The following AK7 variants were observed in gnomAD, a reference collection of about 807,000 sequenced individuals.
AK7 encodes ATP-AMP transphosphorylase 7.
Under a neutral mutation model 96.6 loss-of-function variants are expected in AK7, and 78 were observed. The observed-to-expected ratio is 0.81, with a 90% CI of 0.67 to 0.97. The LOEUF (loss-of-function observed/expected upper bound fraction) is 0.97. Ranked by LOEUF, AK7 falls within the 50% of genes least tolerant of loss-of-function variation. AK7 has a pLI of 0.00. For synonymous variants in AK7, 302 were observed against 317.2 expected (o/e 0.95, Z 0.51); for missense variants, 855 against 887.9 (o/e 0.96, Z 0.47).
intron 16 of AK7, among the ~76,000 whole-genome samples, 197 bp downstream of exon 16, chr14:96,483,416 T>TTTTTTC (rs2140180137): frequency 6.6e-6 from 1 of 152,270 alleles, no homozygotes; most frequent in Non-Finnish European, 1.5e-5. Flanking sequence ...CTTAGTTTTT[T>TTTTTTC]TTTTTTTCTT....
Position 96,488,321 on chromosome 14 carries a change from A to G in AK7, c.2150A>G (p.Lys717Arg), listed in dbSNP as rs1299312389. The G allele has an allele frequency of 3.1e-6, 5 of 1,612,546 alleles. No homozygotes were observed. The highest frequency in any genetic ancestry group is 4.2e-6 in the Non-Finnish European group (5 of 1,178,794). Residue 717 changes from lysine (K) to arginine (R), a missense_variant, in exon 18 of 18, where the codon AAG becomes AGG. Transcript: ENST00000267584. Reference sequence around the variant, plus strand: ...AAATTGTAGGCAGAATATCTCTTCAAGAACAATCCTGAAGCACAGTGAAAC... The same window carrying G: ...AAATTGTAGGCAGAATATCTCTTCAGGAACAATCCTGAAGCACAGTGAAAC... ...PVDFLAEYLF[K>R]NNPEAQ
intron 14 of AK7, 117 bp from the exon 15 acceptor site, chr14:96,478,348 G>A: frequency 1.0e-6 from 1 of 990,356 alleles, no homozygotes. Flanking sequence ...CAATTGGACA[G>A]GCTATTTGTG....
chr14:96,431,792 A>C (rs1892367574), intron 5 of AK7, among the ~76,000 whole-genome samples: 1 of 152,170 alleles, frequency 6.6e-6, no homozygotes, highest in African/African-American at 2.4e-5. Flanking sequence ...TGCAGAGCTG[A>C]GTTCAAGTCC....
Position 96,409,308 on chromosome 14 carries a change from C to T in AK7, c.498+367C>T, listed in dbSNP as rs117191323. ...GAAATATAGGCTGGGTGCGATGGCT[C>T]ATGCCTGTAACCCGGCACTTTGGGA... On this transcript the variant is annotated intron_variant, in intron 4 of 17. Coordinates refer to ENST00000267584, the MANE Select transcript of AK7 (RefSeq NM_152327.5). 4.2e-3 allele frequency among the ~76,000 whole-genome samples: 639 copies of T among 152,352 alleles called. 3 individuals carry two copies. Among genetic ancestry groups the T allele is most frequent in the Non-Finnish European group, 7.2e-3 (487 of 68,042 alleles).
chr14:96,415,123 C>G (rs1049494713), intron 4 of AK7, among the ~76,000 whole-genome samples: 26 of 151,828 alleles, frequency 1.7e-4, no homozygotes, highest in African/African-American at 5.3e-4. Context: ...AAGCAAAGGC[C>G]ATGGGGAAGG....
chr14:96,422,219 T>G (rs1015261608), intron 5 of AK7, among the ~76,000 whole-genome samples: 6 of 152,212 alleles, frequency 3.9e-5, no homozygotes, highest in African/African-American at 1.4e-4. Flanking sequence ...AAGTACAGTA[T>G]ACAGGGATAA....
At chr14:96,393,073 G>A (rs1889851692) in intron 1 of AK7, among the ~76,000 whole-genome samples, 2 of 152,222 alleles carry the variant, frequency 1.3e-5, no homozygotes, top group South Asian at 4.2e-4. Context: ...TTGGGTCCCC[G>A]AGTTCCATTA....
intron 6 of AK7, among the ~76,000 whole-genome samples, chr14:96,439,612 C>T (rs1408548507): frequency 6.7e-6 from 1 of 148,872 alleles, no homozygotes; most frequent in African/African-American, 2.5e-5. Context: ...TGCAGTGAGC[C>T]GAAATTGCAC....
intron 11 of AK7, 200 bp downstream of exon 11, chr14:96,456,675 G>C: frequency 2.1e-6 from 1 of 482,962 alleles, no homozygotes; most frequent in Admixed American, 3.4e-5. Flanking sequence ...GAAGAGTGTT[G>C]ACCTTGGCCA....
At chr14:96,477,046 A>G (rs1366082061) in intron 14 of AK7, among the ~76,000 whole-genome samples, 1 of 152,258 alleles carries the variant, frequency 6.6e-6, no homozygotes, top group Non-Finnish European at 1.5e-5. Flanking sequence ...TTGAGGCTTC[A>G]TATGTCTACC....
At chr14:96,446,185 G>A (rs1005174922) in intron 7 of AK7, among the ~76,000 whole-genome samples, 3 of 152,130 alleles carry the variant, frequency 2.0e-5, no homozygotes, top group South Asian at 2.1e-4. Flanking sequence ...GCTGGGGGCC[G>A]GTCCTGCTGG....
rs759009156 is a variant in AK7, at chr14:96,408,893, T to C, written c.450T>C (p.Ile150=). 1.9e-6 allele frequency: 3 copies of C among 1,614,224 alleles called. No individual in the cohort carries two copies. The highest frequency in any genetic ancestry group is 8.5e-7 in the Non-Finnish European group (1 of 1,180,046). The change falls in exon 4 of 18, where the codon ATT becomes ATC. Residue 150 remains isoleucine, a synonymous_variant. Transcript: ENST00000267584. ...ACTTTGAAAAGCGAAAGCTATTTAT[T>C]TTACTGTCGACGGTGATGACTTGGG... ...VSHFEKRKLF[I]LLSTVMTWAR... is the part of the protein sequence containing the mutation.
intron 4 of AK7, among the ~76,000 whole-genome samples, chr14:96,416,470 G>A (rs574530551): frequency 6.6e-6 from 1 of 152,210 alleles, no homozygotes; most frequent in South Asian, 2.1e-4. Context: ...GGGCAGGGGA[G>A]ATTACTCTGT....
At chr14:96,408,243 C>A (rs1890837952) in intron 3 of AK7, among the ~76,000 whole-genome samples, 1 of 152,184 alleles carries the variant, frequency 6.6e-6, no homozygotes, top group South Asian at 2.1e-4. Flanking sequence ...CCTCTGCTGC[C>A]CCATCCCCAG....
At position 96,449,811 on chromosome 14, in the gene AK7, A is replaced by G. The variant is rs973844326; in HGVS notation, c.880A>G (p.Lys294Glu). 6.2e-7 allele frequency: 1 copy of G among 1,610,020 alleles called. No individual in the cohort carries two copies. The highest frequency in any genetic ancestry group is 1.7e-5 in the Admixed American group (1 of 59,614). Residue 294 changes from lysine to glutamate, a missense_variant, in exon 9 of 18, where the codon AAA (lysine) becomes GAA (glutamate). Coordinates refer to ENST00000267584, the MANE Select transcript of AK7 (RefSeq NM_152327.5). ...TLEDIVKCIS[K>E]NTGPGKIQKI... ...GATTTTCCTCTAACAGTGTATCAGT[A>G]AAAATACTGGCCCTGGGAAAATCCA...
chr14:96,400,008 T>C (rs1890311952), intron 2 of AK7, among the ~76,000 whole-genome samples: 1 of 151,370 alleles, frequency 6.6e-6, no homozygotes, highest in African/African-American at 2.4e-5. Flanking sequence ...TCATATTTAT[T>C]AGACCCCGCT....
chr14:96,433,548 G>A (rs1286488137), intron 5 of AK7, among the ~76,000 whole-genome samples: 1 of 152,092 alleles, frequency 6.6e-6, no homozygotes, highest in African/African-American at 2.4e-5. Context: ...TCTCTACACT[G>A]TTTATTCTAG....
chr14:96,461,277 C>T (rs1221528182), intron 12 of AK7, among the ~76,000 whole-genome samples: 1 of 152,058 alleles, frequency 6.6e-6, no homozygotes, highest in Admixed American at 6.6e-5. Flanking sequence ...AGCAAGACCC[C>T]CCATGTCTAC....
chr14:96,410,660 G>A (rs183418898), intron 4 of AK7, among the ~76,000 whole-genome samples: 13 of 152,222 alleles, frequency 8.5e-5, no homozygotes, highest in East Asian at 1.9e-4. Context: ...GTTTTAATTT[G>A]CATTTCCCCA....
Sources: allele counts gnomAD v4.1 joint callset (sites outside exome capture counted in the v4.1 genomes callset), GRCh38; gene constraint gnomAD v4.1.1; transcripts MANE v1.5; gene names NCBI Gene and HGNC (gene_info 2026-07-23, HGNC 2026-07-21).